The following ZNF611 variants were observed in gnomAD, a reference collection of about 807,000 sequenced individuals.
ZNF611 encodes zinc finger protein 611.
ZNF611 carries 6 observed loss-of-function variants against 8.9 expected under a neutral mutation model. That is an observed-to-expected ratio of 0.68 (90% CI 0.37 to 1.34). The LOEUF (loss-of-function observed/expected upper bound fraction) is 1.34. ZNF611 is among the 40% of genes most tolerant of loss of function. The probability of loss-of-function intolerance (pLI) is 0.02; values close to 1 mark genes in which losing one functional copy is unlikely to be tolerated. For missense variants in ZNF611, 874 were observed against 841.3 expected, an observed-to-expected ratio of 1.04 and a Z score of -0.48; for synonymous variants, 262 against 279.7, an observed-to-expected ratio of 0.94 and a Z score of 0.63.
At position 52,705,167 on chromosome 19, in the gene ZNF611, T is replaced by C; in HGVS notation, c.1888A>G (p.Thr630Ala). Residue 630 changes from threonine (T) to alanine (A), a missense_variant, in exon 6 of 6, where the codon ACC becomes GCC. Physicochemically the swap from Thr to Ala is moderately conservative, Grantham distance 58. Coordinates refer to ENST00000652185, the MANE Select transcript of ZNF611 (RefSeq NM_001161499.2). Reference sequence around the variant, plus strand: ...ATAAGGGATGAGCAGTGACGGAAGGTATTGCCACACTCATTACACTTGTAA... The same window carrying C: ...ATAAGGGATGAGCAGTGACGGAAGGCATTGCCACACTCATTACACTTGTAA... ...KPYKCNECGN[T>A]FRHCSSLIYH... 1.2e-6 allele frequency: 2 copies of C among 1,613,586 alleles called. No homozygotes were observed. The highest frequency in any genetic ancestry group is 4.5e-5 in the East Asian group (2 of 44,758).
intron 3 of ZNF611, among the ~76,000 whole-genome samples, chr19:52,725,584 C>G (rs956004180): frequency 6.6e-6 from 1 of 152,048 alleles, no homozygotes; most frequent in African/African-American, 2.4e-5. Context: ...CTTCCAGACT[C>G]TTATGGGCGT....
chr19:52,706,933 T>C, intron 5 of ZNF611, 69 bp from the exon 6 acceptor site: 2 of 1,531,186 alleles, frequency 1.3e-6, no homozygotes, highest in Non-Finnish European at 1.7e-6. Flanking sequence ...AGTGCATAAA[T>C]ATGACACAAA....
intron 5 of ZNF611, among the ~76,000 whole-genome samples, chr19:52,712,471 A>C (rs1231364778): frequency 4.0e-5 from 6 of 148,614 alleles, no homozygotes; most frequent in East Asian, 2.0e-4. Flanking sequence ...AAAAAAAAAA[A>C]AAAAAAAAAA....
rs778502893 is a variant in ZNF611 at position 52,705,781 on chromosome 19, G to A, written c.1274C>T (p.Thr425Ile). 1 of 1,613,856 alleles carries A rather than the reference G, an allele frequency of 6.2e-7. No individual in the cohort carries two copies. The change falls in exon 6 of 6, where the codon ACT becomes ATT. Residue 425 changes from threonine to isoleucine, a missense_variant. Physicochemically the swap from Thr to Ile is moderately conservative, Grantham distance 89. Coordinates refer to ENST00000652185, the MANE Select transcript of ZNF611 (RefSeq NM_001161499.2). ...RHRRIHTAKK[T>I]YKCNECGKTF... ...CTTGCCACACTCATTACATTTATAA[G>A]TTTTCTTTGCAGTATGAATTCTTCT...
chr19:52,732,505 A>AGAATAACTCACAGTATTGAGTTATTCT, intron 1 of ZNF611, among the ~76,000 whole-genome samples: 1 of 46,482 alleles, frequency 2.2e-5, no homozygotes. Context: ...TGAGTTATTC[A>AGAATAACTCACAGTATTGAGTTATTCT]GAATAACTCA....
chr19:52,730,933 C>CT (rs2062422253), intron 1 of ZNF611, among the ~76,000 whole-genome samples: 1 of 151,910 alleles, frequency 6.6e-6, no homozygotes, highest in South Asian at 2.1e-4. Flanking sequence ...ATTGTTATTT[C>CT]TTTTTGTTTG....
chr19:52,730,105 T>C (rs113767571), intron 1 of ZNF611, 100 bp from the exon 2 acceptor site: 4 of 151,928 alleles, frequency 2.6e-5, no homozygotes, highest in African/African-American at 7.3e-5. Context: ...ATAAAAAACA[T>C]GATGTAGGCC....
chr19:52,706,947 C>T (rs549291131), intron 5 of ZNF611, 83 bp from the exon 6 acceptor site: 27 of 1,517,158 alleles, frequency 1.8e-5, no homozygotes, highest in Middle Eastern at 3.6e-4. Flanking sequence ...ACACAAAAAA[C>T]GATACTTATT....
At chr19:52,721,441 G>A (rs2062358932) in intron 3 of ZNF611, among the ~76,000 whole-genome samples, 1 of 152,234 alleles carries the variant, frequency 6.6e-6, no homozygotes, top group African/African-American at 2.4e-5. Context: ...CACCTCGGGA[G>A]GCCAAGGCGG....
chr19:52,714,533 T>C (rs1428832054), intron 4 of ZNF611, among the ~76,000 whole-genome samples: 1 of 150,274 alleles, frequency 6.7e-6, no homozygotes, highest in Non-Finnish European at 1.5e-5. Flanking sequence ...CCTAAAAATA[T>C]AAAAATTAGC....
intron 3 of ZNF611, among the ~76,000 whole-genome samples, chr19:52,722,570 C>T (rs1048079650): frequency 1.3e-5 from 2 of 152,122 alleles, no homozygotes; most frequent in African/African-American, 4.8e-5. Context: ...TAACCTCTGA[C>T]ACCAAGATTT....
At chr19:52,730,491 T>C (rs761275591) in intron 1 of ZNF611, among the ~76,000 whole-genome samples, 5 of 150,310 alleles carry the variant, frequency 3.3e-5, no homozygotes, top group Admixed American at 6.7e-5. Flanking sequence ...TTGTGTCCAA[T>C]AGGATGTTCC....
At chr19:52,714,272 T>G in intron 4 of ZNF611, 131 bp from the exon 5 acceptor site, 1 of 1,480,464 alleles carries the variant, frequency 6.8e-7, no homozygotes, top group East Asian at 2.4e-5. Context: ...TGTTAAGGTA[T>G]TTTTGAATAT....
intron 4 of ZNF611, among the ~76,000 whole-genome samples, chr19:52,714,930 G>A (rs111620949): frequency 0.27 from 41,286 of 151,546 alleles, 5,548 homozygotes; most frequent in Middle Eastern, 0.33. Context: ...TCCGGGAGGC[G>A]GAGGTTGCAG....
intron 3 of ZNF611, among the ~76,000 whole-genome samples, chr19:52,718,336 T>C (rs948518212): frequency 6.6e-6 from 1 of 150,806 alleles, no homozygotes; most frequent in Non-Finnish European, 1.5e-5. Flanking sequence ...TCTCAATAAA[T>C]AAAAATATAT....
chr19:52,729,506 A>AAAAG (rs1555797206), intron 2 of ZNF611, among the ~76,000 whole-genome samples: 22 of 148,254 alleles, frequency 1.5e-4, no homozygotes, highest in African/African-American at 5.0e-4. Context: ...AAAAAAAAAA[A>AAAAG]AAAAAAAAAA....
chr19:52,708,687 A>G (rs1397995446), intron 5 of ZNF611: 1 of 152,212 alleles, frequency 6.6e-6, no homozygotes, highest in Non-Finnish European at 1.5e-5. Flanking sequence ...ATACAAAAAA[A>G]TCAGCTGGGC....
At chr19:52,729,492 CAAAAA>C (rs397859789) in intron 2 of ZNF611, among the ~76,000 whole-genome samples, 11 of 42,356 alleles carry the variant, frequency 2.6e-4, no homozygotes, top group Admixed American at 4.7e-4. Flanking sequence ...GACTCCATCT[CAAAAA>C]AAAAAAAAAA....
intron 3 of ZNF611, among the ~76,000 whole-genome samples, chr19:52,720,003 A>G (rs151153663): frequency 0.038 from 5,762 of 152,202 alleles, 348 homozygotes; most frequent in African/African-American, 0.13. Flanking sequence ...GCATCTGTTT[A>G]ACAAAGCACA....
Sources: gnomAD v4.1 joint callset for allele counts (sites outside exome capture counted in the v4.1 genomes callset) on GRCh38, gnomAD v4.1.1 for gene constraint, MANE v1.5 for transcripts, NCBI Gene and HGNC (gene_info 2026-07-23, HGNC 2026-07-21) for gene names.